NR2F1: variants seen among roughly 807,000 people sequenced by gnomAD.
NR2F1 encodes COUP transcription factor 1.
Under a neutral mutation model 37.7 loss-of-function variants are expected in NR2F1, and 1 was observed. The ratio of observed to expected loss-of-function variants is 0.03; its 90% CI spans 0.01 to 0.13. The LOEUF (loss-of-function observed/expected upper bound fraction) is 0.13. NR2F1 is among the 10% of genes least tolerant of loss of function. The pLI is 1.00. For synonymous variants in NR2F1, 275 were observed against 259.6 expected (o/e 1.06, Z -0.57); for missense variants, 268 against 578.4 (o/e 0.46, Z 5.50).
At chr5:93,587,796 T>C in intron 1 of NR2F1, 121 bp from the exon 2 acceptor site, 1 of 1,064,646 alleles carries the variant, frequency 9.4e-7, no homozygotes, top group Non-Finnish European at 1.3e-6. Flanking sequence ...CCGGAGAAGA[T>C]GCGCGGGGCG....
chr5:93,586,080 G>T (rs1753227668), intron 1 of NR2F1, among the ~76,000 whole-genome samples: 1 of 152,094 alleles, frequency 6.6e-6, no homozygotes, highest in Non-Finnish European at 1.5e-5. Flanking sequence ...TAATTAGGGG[G>T]GAAGGGGGGC....
Position 93,593,716 on chromosome 5 carries a change from C to T in NR2F1, c.1146C>T (p.Ser382=), listed in dbSNP as rs781436664. ...LRLPSLRTVS[S]SVIEQLFFVR... is the part of the protein sequence containing the mutation. ...TGCCCTCGCTGCGCACCGTGTCCTC[C>T]TCCGTCATCGAGCAGCTCTTCTTCG... is the stretch of plus-strand genomic sequence containing the variant. The change falls in exon 3 of 3, where the codon TCC becomes TCT. Residue 382 remains serine (S), a synonymous_variant. Coordinates refer to ENST00000327111, the MANE Select transcript of NR2F1 (RefSeq NM_005654.6). The surrounding 1 kb of genome is among the most constrained non-coding windows in gnomAD (Gnocchi z 5.6). 3.1e-6 allele frequency: 5 copies of T among 1,614,122 alleles called. No individual in the cohort carries two copies. The highest frequency in any genetic ancestry group is 4.2e-6 in the Non-Finnish European group (5 of 1,180,058).
chr5:93,585,104 G>A lies in NR2F1; in HGVS notation c.81G>A (p.Ala27=), dbSNP rs1353522910. 2.0e-6 allele frequency: 2 copies of A among 995,886 alleles called. No homozygotes were observed. The highest frequency in any genetic ancestry group is 2.4e-6 in the Non-Finnish European group (2 of 839,310). 61.7% of individuals were successfully genotyped at this position (995,886 alleles called of 1,614,324 possible). A position where few individuals can be genotyped will look rare whatever the true frequency, so the allele number is the denominator to read the frequency against. The change falls in exon 1 of 3, where the codon GCG becomes GCA. Residue 27 remains alanine (A), a synonymous_variant. Coordinates refer to ENST00000327111, the MANE Select transcript of NR2F1 (RefSeq NM_005654.6). ...ACCCCGGCGGCCCCAACCCCGCAGC[G>A]CAGGCGGCCCGCGGCGGCGGCGGCG... The part of the protein sequence containing the change: ...GGNPGGPNPA[A]QAARGGGGGA...
chr5:93,587,863 G>A (rs1753259385), intron 1 of NR2F1, 54 bp from the exon 2 acceptor site: 5 of 1,517,412 alleles, frequency 3.3e-6, no homozygotes, highest in Admixed American at 2.1e-5. Context: ...GCGCGGCAAT[G>A]TTCGCAAGCT....
At position 93,593,543 on chromosome 5, in the gene NR2F1, C is replaced by G. The variant is rs745731425; in HGVS notation, c.992-19C>G. On this transcript the variant is annotated intron_variant, in intron 2 of 2. Coordinates refer to ENST00000327111, the MANE Select transcript of NR2F1 (RefSeq NM_005654.6). This position sits in a 1 kb window ranked among gnomAD's most constrained non-coding sequence, Gnocchi z 5.6. ...GTGCTCCCTTTCCCTGTCTCTCCCT[C>G]CTGTGGCTGCTTGGGCAGACGCCTG... is the stretch of plus-strand genomic sequence containing the variant. 6.2e-7 allele frequency: 1 copy of G among 1,607,082 alleles called. No homozygotes were observed. The highest frequency in any genetic ancestry group is 8.5e-7 in the Non-Finnish European group (1 of 1,174,572).
At position 93,593,917 on chromosome 5, in the gene NR2F1, G is replaced by T. The variant is rs182751148; in HGVS notation, c.*75G>T. ...CACCTGGGCCAAGGACTCCAAAGCC[G>T]CGGGGACACCGGGAAGTGCAGCGGG... On this transcript the variant is annotated 3_prime_UTR_variant, in exon 3 of 3. Coordinates refer to ENST00000327111, the MANE Select transcript of NR2F1 (RefSeq NM_005654.6). The surrounding 1 kb of genome is among the most constrained non-coding windows in gnomAD (Gnocchi z 5.6). 8.1e-5 allele frequency: 119 copies of T among 1,464,932 alleles called. No homozygotes were observed. The East Asian group carries it at 1.1e-3, about 13-fold the overall frequency. The allele number at this position is 1,464,932 out of a possible 1,614,324, so 90.7% of individuals were successfully genotyped here.
Position 93,588,147 on chromosome 5 carries a change from G to A in NR2F1, c.694G>A (p.Glu232Lys). Residue 232 changes from glutamate (E) to lysine (K), a missense_variant, in exon 2 of 3, where the codon GAG becomes AAG. Around this residue, in one of 5 missense-constraint regions of NR2F1, gnomAD observed 21 missense variants for 94.5 expected, o/e 0.22. Transcript: ENST00000327111. ...CGCGCGCCTGCTCTTCAGCGCCGTC[G>A]AGTGGGCCCGCAACATCCCCTTCTT... ...LAARLLFSAV[E>K]WARNIPFFPD... 2 of 1,614,130 alleles carry A rather than the reference G, an allele frequency of 1.2e-6. No homozygotes were observed. Among genetic ancestry groups the A allele is most frequent in the Non-Finnish European group, 1.7e-6 (2 of 1,180,018 alleles).
At position 93,584,908 on chromosome 5, in the gene NR2F1, C is replaced by T. The variant is rs1753199821; in HGVS notation, c.-116C>T. ...GCGACCCCGGGGCGCCCGGCGGGCC[C>T]CCCGCCCCCTCCCCCTCCCCCCTTC... On this transcript the variant is annotated 5_prime_UTR_variant, in exon 1 of 3. Transcript: ENST00000327111. 1 of 142,042 alleles carries T rather than the reference C, an allele frequency of 7.0e-6. No individual in the cohort carries two copies. Among genetic ancestry groups the T allele is most frequent in the Non-Finnish European group, 1.6e-5 (1 of 64,042 alleles). The allele number at this position is 142,042 out of a possible 1,614,324, so 8.8% of individuals were successfully genotyped here. A position where few individuals can be genotyped will look rare whatever the true frequency, so the allele number is the denominator to read the frequency against.
rs1041715705 is a variant in NR2F1, at chr5:93,584,431, CTGTGTGTGCGAG to C, written c.-584_-573del. The C allele has an allele frequency of 1.3e-5, 2 of 148,408 alleles. No individual in the cohort carries two copies. Among genetic ancestry groups the C allele is most frequent in the African/African-American group, 4.9e-5 (2 of 40,812 alleles). 9.2% of individuals were successfully genotyped at this position (148,408 alleles called of 1,614,324 possible). A position where few individuals can be genotyped will look rare whatever the true frequency, so the allele number is the denominator to read the frequency against. On this transcript the variant is annotated 5_prime_UTR_variant, in exon 1 of 3. Coordinates refer to ENST00000327111, the MANE Select transcript of NR2F1 (RefSeq NM_005654.6). ...GCGGGCGCCCGGCGCGGGTGAGCGA[CTGTGTGTGCGAG>C]TGTGTGTGTGCGCGGGGGTGCGGGC... is the stretch of plus-strand genomic sequence containing the variant.
chr5:93,587,807 C>T (rs573769008), intron 1 of NR2F1, 110 bp from the exon 2 acceptor site: 4 of 1,160,020 alleles, frequency 3.4e-6, no homozygotes, highest in Admixed American at 5.1e-5. Flanking sequence ...GCGCGGGGCG[C>T]GTGTGGCTGC....
In NR2F1 at chr5:93,593,623, A is replaced by G; in HGVS notation, c.1053A>G (p.Ala351=). Residue 351 remains alanine, a synonymous_variant, in exon 3 of 3, where the codon GCA becomes GCG. Coordinates refer to ENST00000327111, the MANE Select transcript of NR2F1 (RefSeq NM_005654.6). This position sits in a 1 kb window ranked among gnomAD's most constrained non-coding sequence, Gnocchi z 5.6. ...GCCTGCAGGAGAAGTCGCAGTGCGCACTGGAGGAGTACGTGAGGAGCCAGT... is the reference window on the plus strand; with the variant it reads ...GCCTGCAGGAGAAGTCGCAGTGCGCGCTGGAGGAGTACGTGAGGAGCCAGT... ...IESLQEKSQC[A]LEEYVRSQYP... The G allele has an allele frequency of 6.2e-7, 1 of 1,613,954 alleles. No homozygotes were observed. The highest frequency in any genetic ancestry group is 8.5e-7 in the Non-Finnish European group (1 of 1,180,016).
intron 2 of NR2F1, among the ~76,000 whole-genome samples, chr5:93,592,500 T>C (rs1753348520): frequency 6.6e-6 from 1 of 152,096 alleles, no homozygotes; most frequent in South Asian, 2.1e-4. Flanking sequence ...TGATATAATA[T>C]AATCTGCTGT....
Position 93,585,111 on chromosome 5 carries a change from G to A in NR2F1, c.88G>A (p.Ala30Thr). Residue 30 changes from alanine to threonine, a missense_variant, in exon 1 of 3, where the codon GCC becomes ACC. Ala to Thr is a moderately conservative substitution (Grantham distance 58). Transcript: ENST00000327111. ...PGGPNPAAQA[A>T]RGGGGGAGEQ... ...CGGCCCCAACCCCGCAGCGCAGGCG[G>A]CCCGCGGCGGCGGCGGCGGCGCCGG... 1.0e-6 allele frequency: 1 copy of A among 994,982 alleles called. No individual in the cohort carries two copies. Among genetic ancestry groups the A allele is most frequent in the Non-Finnish European group, 1.2e-6 (1 of 838,390 alleles). The allele number at this position is 994,982 out of a possible 1,614,324, so 61.6% of individuals were successfully genotyped here. A position where few individuals can be genotyped will look rare whatever the true frequency, so the allele number is the denominator to read the frequency against.
rs890219646 is a variant in NR2F1, at chr5:93,593,055, G to A, written c.992-507G>A. 3.3e-5 allele frequency among the ~76,000 whole-genome samples: 5 copies of A among 152,118 alleles called. No individual in the cohort carries two copies. Among genetic ancestry groups the A allele is most frequent in the African/African-American group, 1.2e-4 (5 of 41,418 alleles). On this transcript the variant is annotated intron_variant, in intron 2 of 2. Coordinates refer to ENST00000327111, the MANE Select transcript of NR2F1 (RefSeq NM_005654.6). The surrounding 1 kb of genome is among the most constrained non-coding windows in gnomAD (Gnocchi z 5.6). ...TTTCTGGTTGGGGTGGTTTGGGTTT[G>A]AGAGGGGACTCCAGGAATCCTTTAA... is the stretch of plus-strand genomic sequence containing the variant.
In NR2F1 at chr5:93,585,084, G is replaced by A. The variant is rs1334632065; in HGVS notation, c.61G>A (p.Gly21Ser). 1 of 1,021,186 alleles carries A rather than the reference G, an allele frequency of 9.8e-7. No individual in the cohort carries two copies. The allele number at this position is 1,021,186 out of a possible 1,614,324, so 63.3% of individuals were successfully genotyped here. A position where few individuals can be genotyped will look rare whatever the true frequency, so the allele number is the denominator to read the frequency against. ...GGACGACGTGGCCGGGGGCAACCCC[G>A]GCGGCCCCAACCCCGCAGCGCAGGC... ...PQDDVAGGNP[G>S]GPNPAAQAAR... is the part of the protein sequence containing the mutation. The change falls in exon 1 of 3, where the codon GGC becomes AGC. Residue 21 changes from glycine (G) to serine (S), a missense_variant. Physicochemically the swap from Gly to Ser is moderately conservative, Grantham distance 56. Around this residue, in one of 5 missense-constraint regions of NR2F1, gnomAD observed 90 missense variants for 106.5 expected, o/e 0.85. Transcript: ENST00000327111.
Position 93,588,315 on chromosome 5 carries a change from T to A in NR2F1, c.862T>A (p.Ser288Thr). ...AAAGLHASPM[S>T]ADRVVAFMDH... ...CGCCGGCCTGCATGCCTCGCCCATGTCTGCCGACCGCGTCGTGGCCTTCAT... is the reference window on the plus strand; with the variant it reads ...CGCCGGCCTGCATGCCTCGCCCATGACTGCCGACCGCGTCGTGGCCTTCAT... Residue 288 changes from serine to threonine, a missense_variant, in exon 2 of 3, where the codon TCT (serine) becomes ACT (threonine). Ser to Thr is a moderately conservative substitution (Grantham distance 58). Around this residue, in one of 5 missense-constraint regions of NR2F1, gnomAD observed 99 missense variants for 191.9 expected, o/e 0.52. Coordinates refer to ENST00000327111, the MANE Select transcript of NR2F1 (RefSeq NM_005654.6). 1 of 1,613,320 alleles carries A rather than the reference T, an allele frequency of 6.2e-7. No homozygotes were observed. The highest frequency in any genetic ancestry group is 8.5e-7 in the Non-Finnish European group (1 of 1,179,856).
At chr5:93,588,524 GC>G (rs1753271783) in intron 2 of NR2F1, 80 bp downstream of exon 2, 1 of 1,055,466 alleles carries the variant, frequency 9.5e-7, no homozygotes, top group African/African-American at 1.7e-5. Flanking sequence ...GGCCTTCGGA[GC>G]CTCCCGCGCG....
intron 2 of NR2F1, among the ~76,000 whole-genome samples, chr5:93,588,680 G>A (rs1423390191): frequency 1.3e-5 from 2 of 151,110 alleles, no homozygotes; most frequent in Admixed American, 1.3e-4. Context: ...GCGGCCGGCG[G>A]GCGGCCGGGC....
rs1753173272 is a variant in NR2F1 at position 93,583,839 on chromosome 5, T to C, written c.-1185T>C. 1 of 152,426 alleles carries C rather than the reference T, an allele frequency of 6.6e-6. No individual in the cohort carries two copies. The highest frequency in any genetic ancestry group is 1.5e-5 in the Non-Finnish European group (1 of 68,036). The allele number at this position is 152,426 out of a possible 1,614,324, so 9.4% of individuals were successfully genotyped here. ...TTGGCAATTATTTTCTTCTGATTTT[T>C]ATTTTTTCTATTTCGCTGTGATTTC... is the stretch of plus-strand genomic sequence containing the variant. On this transcript the variant is annotated 5_prime_UTR_variant, in exon 1 of 3. Transcript: ENST00000327111.
Sources: allele counts gnomAD v4.1 joint callset (sites outside exome capture counted in the v4.1 genomes callset), GRCh38; gene constraint gnomAD v4.1.1; regional missense constraint gnomAD v4.1.1; non-coding constraint Gnocchi (gnomAD v3.1); transcripts MANE v1.5; gene names NCBI Gene and HGNC (gene_info 2026-07-23, HGNC 2026-07-21).